Variants in SLC41A2 observed in about 807,000 individuals in gnomAD.
SLC41A2 encodes the protein SLC41A1-like 1.
A neutral mutation model predicts 58.3 loss-of-function variants in SLC41A2; 32 were observed. That is an observed-to-expected ratio of 0.55 (90% CI 0.41 to 0.74). SLC41A2 has a LOEUF of 0.74. Ranked by LOEUF, SLC41A2 falls within the 30% of genes least tolerant of loss-of-function variation. SLC41A2 has a pLI of 0.00. For synonymous variants in SLC41A2, 190 were observed against 235.0 expected (o/e 0.81, Z 1.75); for missense variants, 514 against 680.6 (o/e 0.76, Z 2.72).
intron 6 of SLC41A2, among the ~76,000 whole-genome samples, chr12:104,871,721 A>T (rs571495506): frequency 7.5e-4 from 114 of 152,280 alleles, no homozygotes; most frequent in African/African-American, 2.6e-3. Context: ...ACTTCTAATC[A>T]CGTTAATTGG....
Position 104,804,963 on chromosome 12 carries a change from G to C in SLC41A2, c.*189C>G. ...TCATTTATTCTATGAAAAGCAGCAC[G>C]AATACTCTTCATTCTGGTTTTGACA... On this transcript the variant is annotated 3_prime_UTR_variant, in exon 11 of 11. Transcript: ENST00000258538. 2.0e-6 allele frequency: 1 copy of C among 496,960 alleles called. No individual in the cohort carries two copies. The highest frequency in any genetic ancestry group is 3.6e-5 in the South Asian group (1 of 28,102). 30.8% of individuals were successfully genotyped at this position (496,960 alleles called of 1,614,324 possible).
At chr12:104,820,110 C>T (rs201869162) in intron 10 of SLC41A2, among the ~76,000 whole-genome samples, 1 of 152,216 alleles carries the variant, frequency 6.6e-6, no homozygotes, top group Non-Finnish European at 1.5e-5. Flanking sequence ...TCTAATAATG[C>T]TTTCAAATAC....
At chr12:104,915,902 G>C (rs1387829846) in intron 2 of SLC41A2, among the ~76,000 whole-genome samples, 1 of 152,084 alleles carries the variant, frequency 6.6e-6, no homozygotes, top group African/African-American at 2.4e-5. Context: ...TATTGGCTGT[G>C]GGTTTGTCAT....
rs2044157733 is a variant in SLC41A2, at chr12:104,878,299, T to TATATATA, written c.1027+7993_1027+7994insTATATAT. Among the ~76,000 whole-genome samples the TATATATA allele has an allele frequency of 2.7e-4, 38 of 139,930 alleles. 1 individual carries two copies. In the East Asian group the frequency reaches 7.5e-3, roughly 28 times the overall value. The allele number at this position is 139,930 out of a possible 152,430, so 91.8% of individuals were successfully genotyped here. ...AATCTGCAAATAATATACCTGTATT[T>TATATATA]TATATATATATATATATATATATAT... is the stretch of plus-strand genomic sequence containing the variant. On this transcript the variant is annotated intron_variant, in intron 6 of 10. Coordinates refer to ENST00000258538, the MANE Select transcript of SLC41A2 (RefSeq NM_001352171.3).
chr12:104,902,278 A>C (rs2045602521), intron 3 of SLC41A2, among the ~76,000 whole-genome samples: 1 of 152,212 alleles, frequency 6.6e-6, no homozygotes, highest in South Asian at 2.1e-4. Flanking sequence ...AGGCAAATAA[A>C]TCAAGGTGGT....
intron 3 of SLC41A2, among the ~76,000 whole-genome samples, chr12:104,900,713 TCAGGTGTATAACAAGAA>T (rs1414942963): frequency 2.0e-5 from 3 of 152,208 alleles, no homozygotes; most frequent in Non-Finnish European, 4.4e-5. Flanking sequence ...TATCTAGCAA[TCAGGTGTATAACAAGAA>T]CATGGAGAAT....
chr12:104,925,355 G>C (rs1038066515), intron 2 of SLC41A2, among the ~76,000 whole-genome samples: 1 of 151,886 alleles, frequency 6.6e-6, no homozygotes, highest in Non-Finnish European at 1.5e-5. Context: ...TCAGGAAATT[G>C]AGACCATCCT....
chr12:104,803,323 A>C lies in SLC41A2; in HGVS notation c.*1829T>G, dbSNP rs150200224. On this transcript the variant is annotated 3_prime_UTR_variant, in exon 11 of 11. Transcript: ENST00000258538. Reference sequence around the variant, plus strand: ...TAAACTTATTCTTTCTTTTATAAGAATGTTCACTATGTAACATTATAACTC... The same window carrying C: ...TAAACTTATTCTTTCTTTTATAAGACTGTTCACTATGTAACATTATAACTC... The C allele has an allele frequency of 2.8e-4, 43 of 152,282 alleles. No individual in the cohort carries two copies. The highest frequency in any genetic ancestry group is 9.9e-4 in the African/African-American group (41 of 41,578). 9.4% of individuals were successfully genotyped at this position (152,282 alleles called of 1,614,324 possible).
At chr12:104,873,916 G>A (rs912650416) in intron 6 of SLC41A2, among the ~76,000 whole-genome samples, 1 of 151,856 alleles carries the variant, frequency 6.6e-6, no homozygotes, top group Non-Finnish European at 1.5e-5. Flanking sequence ...TATATATTTT[G>A]GATATTGACT....
intron 9 of SLC41A2, 140 bp downstream of exon 9, chr12:104,845,703 T>G (rs1177264456): frequency 2.8e-6 from 2 of 717,688 alleles, no homozygotes; most frequent in Non-Finnish European, 2.1e-6. Context: ...ACATGCCTTT[T>G]CATTCACTGG....
chr12:104,932,062 T>C (rs1474084424), intron 1 of SLC41A2, among the ~76,000 whole-genome samples: 6 of 152,234 alleles, frequency 3.9e-5, no homozygotes, highest in Non-Finnish European at 7.3e-5. Context: ...ATCACCATCA[T>C]GCATTGAGGA....
chr12:104,888,982 A>C lies in SLC41A2; in HGVS notation c.880+51T>G, dbSNP rs757351725. The C allele has an allele frequency of 4.1e-6, 6 of 1,462,614 alleles. No individual in the cohort carries two copies. In the Admixed American group the frequency reaches 1.1e-4, roughly 27 times the overall value. The allele number at this position is 1,462,614 out of a possible 1,614,324, so 90.6% of individuals were successfully genotyped here. A position where few individuals can be genotyped will look rare whatever the true frequency, so the allele number is the denominator to read the frequency against. The stretch of plus-strand genomic sequence containing the variant: ...ATAAAAATAGTCATCTTAAGAAATA[A>C]ACCATTTAAATGTAAAAGGCTATAG... On this transcript the variant is annotated intron_variant, in intron 5 of 10. Coordinates refer to ENST00000258538, the MANE Select transcript of SLC41A2 (RefSeq NM_001352171.3).
chr12:104,884,982 A>C (rs544110555), intron 6 of SLC41A2, among the ~76,000 whole-genome samples: 2 of 152,354 alleles, frequency 1.3e-5, no homozygotes, highest in South Asian at 4.1e-4. Flanking sequence ...TCCAAACAAT[A>C]CAAATTAGAG....
At chr12:104,806,506 C>A (rs1281689834) in intron 10 of SLC41A2, among the ~76,000 whole-genome samples, 1 of 152,124 alleles carries the variant, frequency 6.6e-6, no homozygotes, top group Non-Finnish European at 1.5e-5. Flanking sequence ...GTTATTGTGA[C>A]TAGTGCTGCA....
intron 3 of SLC41A2, among the ~76,000 whole-genome samples, chr12:104,905,487 C>T (rs1858632048): frequency 6.6e-6 from 1 of 152,246 alleles, no homozygotes; most frequent in Non-Finnish European, 1.5e-5. Context: ...GGTGGAGCTG[C>T]CTGCCAGTCC....
chr12:104,865,875 C>T (rs2043418347), intron 7 of SLC41A2, among the ~76,000 whole-genome samples: 1 of 152,038 alleles, frequency 6.6e-6, no homozygotes, highest in Admixed American at 6.6e-5. Flanking sequence ...TTTATCTGAT[C>T]AATACCGTAT....
chr12:104,921,785 C>T (rs2046609145), intron 2 of SLC41A2, among the ~76,000 whole-genome samples: 2 of 152,112 alleles, frequency 1.3e-5, no homozygotes, highest in African/African-American at 2.4e-5. Context: ...AAACACAAAT[C>T]TATCAAAAAC....
chr12:104,856,034 A>T (rs533134904), intron 8 of SLC41A2, among the ~76,000 whole-genome samples: 1 of 152,346 alleles, frequency 6.6e-6, no homozygotes, highest in South Asian at 2.1e-4. Context: ...TTTTGCATAT[A>T]TCAAAATCAA....
intron 6 of SLC41A2, among the ~76,000 whole-genome samples, chr12:104,870,998 C>T (rs992037341): frequency 6.6e-6 from 1 of 152,140 alleles, no homozygotes. Context: ...TTAGATTCTA[C>T]TCACACCACC....
Sources: gnomAD v4.1 joint callset for allele counts (sites outside exome capture counted in the v4.1 genomes callset) on GRCh38, gnomAD v4.1.1 for gene constraint, MANE v1.5 for transcripts, NCBI Gene and HGNC (gene_info 2026-07-23, HGNC 2026-07-21) for gene names.